Variants in ZNF48 observed in about 807,000 individuals in gnomAD.
ZNF48 encodes the protein zinc finger protein 553.
In ZNF48, 20 loss-of-function variants were observed where a neutral mutation model predicts 40.0. The ratio of observed to expected loss-of-function variants is 0.50; its 90% confidence interval spans 0.35 to 0.73. The LOEUF is 0.73. Among genes scored for constraint, ZNF48 ranks in the 30% least tolerant of loss-of-function variants. ZNF48 has a pLI of 0.01. For synonymous variants in ZNF48, 298 were observed against 329.7 expected (o/e 0.90, Z 1.04); for missense variants, 726 against 851.9 (o/e 0.85, Z 1.84).
intron 1 of ZNF48, among the ~76,000 whole-genome samples, chr16:30,388,616 C>T (rs2049918882): frequency 1.3e-5 from 2 of 152,134 alleles, no homozygotes; most frequent in African/African-American, 4.8e-5. Context: ...AGTCCAGGCG[C>T]GGTGGCTCAC....
Position 30,395,897 on chromosome 16 carries a change from C to A in ZNF48, c.79+24C>A, listed in dbSNP as rs929303490. On this transcript the variant is annotated intron_variant, in intron 2 of 2. Coordinates refer to ENST00000613509, the MANE Select transcript of ZNF48 (RefSeq NM_001214909.2). This position sits in a 1 kb window ranked among gnomAD's most constrained non-coding sequence, Gnocchi z 5.9. ...AGGTGAGGGCCTCGGCCGTGCGCCG[C>A]CACGGACAGGTAACGGCCGGTGGGG... is the stretch of plus-strand genomic sequence containing the variant. 6.6e-7 allele frequency: 1 copy of A among 1,508,848 alleles called. No homozygotes were observed. The highest frequency in any genetic ancestry group is 2.5e-5 in the East Asian group (1 of 39,630). 93.5% of individuals were successfully genotyped at this position (1,508,848 alleles called of 1,614,324 possible). A position where few individuals can be genotyped will look rare whatever the true frequency, so the allele number is the denominator to read the frequency against.
chr16:30,393,889 G>GT (rs922607939), upstream of ZNF48, among the ~76,000 whole-genome samples: 644 of 145,784 alleles, frequency 4.4e-3, 4 homozygotes, highest in South Asian at 8.5e-3. Flanking sequence ...CTAAATTTTT[G>GT]TTTTTTTTTT....
upstream of ZNF48, chr16:30,395,272 C>T (rs1037785977): frequency 2.2e-6 from 1 of 456,210 alleles, no homozygotes; most frequent in Non-Finnish European, 4.4e-6. This position sits in a 1 kb window ranked among gnomAD's most constrained non-coding sequence, Gnocchi z 5.9. Context: ...GAGTTCGGGC[C>T]GCCGGCCTCG....
Position 30,381,734 on chromosome 16 carries a change from C to CCT in ZNF48, c.-16+3327_-16+3328dup. 6.2e-7 allele frequency: 1 copy of CCT among 1,612,588 alleles called. No individual in the cohort carries two copies. Among genetic ancestry groups the CCT allele is most frequent in the Non-Finnish European group, 8.5e-7 (1 of 1,179,316 alleles). On this transcript the variant is annotated intron_variant, in intron 1 of 2. Transcript: ENST00000528032. This position sits in a 1 kb window ranked among gnomAD's most constrained non-coding sequence, Gnocchi z 4.3. ...GGAGTCGCCACTGTGAAAGGCTGAGCCTCTGTCCCCTTTCCTCTTCCTCAC... is the reference window on the plus strand; with the variant it reads ...GGAGTCGCCACTGTGAAAGGCTGAGCCTCTCTGTCCCCTTTCCTCTTCCTCAC...
In ZNF48 at chr16:30,382,846, C is replaced by T. The variant is rs2049869906; in HGVS notation, c.-16+4436C>T. On this transcript the variant is annotated intron_variant, in intron 1 of 2. Coordinates refer to the ZNF48 transcript ENST00000528032. This position sits in a 1 kb window ranked among gnomAD's most constrained non-coding sequence, Gnocchi z 4.8. ...GGAAGGAAGTGGCTCCCTTTGTTAG[C>T]AGGGGAGATGAAGGTTTTGATGAGC... The T allele has an allele frequency of 6.9e-7, 1 of 1,452,288 alleles. No individual in the cohort carries two copies. Among genetic ancestry groups the T allele is most frequent in the African/African-American group, 1.4e-5 (1 of 71,384 alleles). 90.0% of individuals were successfully genotyped at this position (1,452,288 alleles called of 1,614,324 possible).
chr16:30,381,276 CAG>C lies in ZNF48; in HGVS notation c.-16+2867_-16+2868del, dbSNP rs775547089. ...CCAGGGATTGGTCATTGCCCAGCCT[CAG>C]GGGGCAGAGACCCCCCAGCCCTCCC... On this transcript the variant is annotated intron_variant, in intron 1 of 2. Transcript: ENST00000528032. The surrounding 1 kb of genome is among the most constrained non-coding windows in gnomAD (Gnocchi z 4.3). 1.9e-6 allele frequency: 3 copies of C among 1,612,052 alleles called. No individual in the cohort carries two copies. In the African/African-American group the frequency reaches 4.0e-5, roughly 22 times the overall value.
chr16:30,379,027 G>C (rs749119511), intron 1 of ZNF48: 1 of 1,612,758 alleles, frequency 6.2e-7, no homozygotes, highest in African/African-American at 1.3e-5. Context: ...CCTGCGGCTG[G>C]CTCGATCGCG....
intron 1 of ZNF48, chr16:30,379,638 C>CTAT: frequency 7.8e-5 from 23 of 295,632 alleles, no homozygotes; most frequent in Admixed American, 1.6e-4. Context: ...CTGCCCCTTC[C>CTAT]TCTTTTTTTT....
chr16:30,395,121 C>T (rs1309218307), upstream of ZNF48: 2 of 436,336 alleles, frequency 4.6e-6, no homozygotes, highest in Admixed American at 2.4e-5. This position sits in a 1 kb window ranked among gnomAD's most constrained non-coding sequence, Gnocchi z 5.9. Flanking sequence ...CTTTCTTTGT[C>T]TCTCCCAGGT....
intron 1 of ZNF48, among the ~76,000 whole-genome samples, chr16:30,388,873 G>A (rs1354188110): frequency 2.0e-5 from 3 of 151,340 alleles, no homozygotes; most frequent in African/African-American, 7.3e-5. Flanking sequence ...CAGCCTGGGC[G>A]ACGGAGTAAG....
chr16:30,378,790 G>T (rs1015817631), intron 1 of ZNF48: 1 of 1,298,406 alleles, frequency 7.7e-7, no homozygotes, highest in Non-Finnish European at 1.1e-6. Flanking sequence ...GCGAGGTTGG[G>T]GTCTAGGAGG....
chr16:30,388,102 G>A (rs191959008), intron 1 of ZNF48, among the ~76,000 whole-genome samples: 454 of 151,940 alleles, frequency 3.0e-3, no homozygotes, highest in Admixed American at 6.7e-3. Context: ...AAGTAGCTGG[G>A]ATTGATTACA....
At chr16:30,378,660 T>C (rs1166126147) in intron 1 of ZNF48, 3 of 1,607,568 alleles carry the variant, frequency 1.9e-6, no homozygotes, top group African/African-American at 1.4e-5. Flanking sequence ...AGAGGCAGCA[T>C]GGGCAGCGGG....
In ZNF48 at chr16:30,399,038, G is replaced by A. The variant is rs1182160702; in HGVS notation, c.1788G>A (p.Leu596=). The A allele has an allele frequency of 6.2e-7, 1 of 1,613,098 alleles. No individual in the cohort carries two copies. Among genetic ancestry groups the A allele is most frequent in the Non-Finnish European group, 8.5e-7 (1 of 1,179,556 alleles). The change falls in exon 3 of 3, where the codon CTG becomes CTA. Residue 596 remains leucine, a synonymous_variant. Coordinates refer to ENST00000613509, the MANE Select transcript of ZNF48 (RefSeq NM_001214909.2). ...RIKHQRGHLV[L]TPFGIGDGRA... is the part of the protein sequence containing the mutation. ...AGCACCAGCGTGGGCACCTGGTCCT[G>A]ACGCCCTTTGGGATAGGGGATGGTA...
At chr16:30,379,827 G>C in intron 1 of ZNF48, 1 of 701,068 alleles carries the variant, frequency 1.4e-6, no homozygotes, top group Non-Finnish European at 2.5e-6. Context: ...GGCTGGTCTG[G>C]AACTCCTGAC....
In ZNF48 at chr16:30,381,163, A is replaced by G. The variant is rs749891885; in HGVS notation, c.-16+2753A>G. 6.2e-7 allele frequency: 1 copy of G among 1,613,938 alleles called. No homozygotes were observed. The highest frequency in any genetic ancestry group is 1.1e-5 in the South Asian group (1 of 91,078). On this transcript the variant is annotated intron_variant, in intron 1 of 2. Coordinates refer to the ZNF48 transcript ENST00000528032. This position sits in a 1 kb window ranked among gnomAD's most constrained non-coding sequence, Gnocchi z 4.3. ...GGGCCTGGGTTTCCTGGGGCATCAG[A>G]GCATCCGCTTTGCCAATGACTGGGA...
At position 30,398,239 on chromosome 16, in the gene ZNF48, C is replaced by T. The variant is rs1308234840; in HGVS notation, c.989C>T (p.Pro330Leu). ...KHLRVHTGEK[P>L]YLCPECGKGF... is the part of the protein sequence containing the mutation. ...CTGCGGGTGCACACGGGTGAGAAGCCCTACCTCTGCCCAGAGTGCGGCAAA... is the reference window on the plus strand; with the variant it reads ...CTGCGGGTGCACACGGGTGAGAAGCTCTACCTCTGCCCAGAGTGCGGCAAA... Residue 330 changes from proline to leucine, a missense_variant, in exon 3 of 3, where the codon CCC (proline) becomes CTC (leucine). Transcript: ENST00000613509. The surrounding 1 kb of genome is among the most constrained non-coding windows in gnomAD (Gnocchi z 6.6). The T allele has an allele frequency of 6.2e-7, 1 of 1,613,640 alleles. No homozygotes were observed. The highest frequency in any genetic ancestry group is 8.5e-7 in the Non-Finnish European group (1 of 1,180,022).
intron 1 of ZNF48, chr16:30,378,459 TG>T: frequency 6.4e-7 from 1 of 1,574,254 alleles, no homozygotes. Context: ...CTGCTCGCCC[TG>T]GGCCTGGCTC....
Position 30,381,418 on chromosome 16 carries a change from C to T in ZNF48, c.-16+3008C>T. ...ATGTTCTTCCGGTTCAGGCCACTCT[C>T]ATCCCTAAGGTACTGCTCAAATTGC... On this transcript the variant is annotated intron_variant, in intron 1 of 2. Transcript: ENST00000528032. This position sits in a 1 kb window ranked among gnomAD's most constrained non-coding sequence, Gnocchi z 4.3. The T allele has an allele frequency of 1.2e-6, 2 of 1,614,066 alleles. No individual in the cohort carries two copies. The highest frequency in any genetic ancestry group is 2.2e-5 in the South Asian group (2 of 91,078).
Sources: allele counts gnomAD v4.1 joint callset (sites outside exome capture counted in the v4.1 genomes callset), GRCh38; gene constraint gnomAD v4.1.1; non-coding constraint Gnocchi (gnomAD v3.1); transcripts MANE v1.5; gene names NCBI Gene and HGNC (gene_info 2026-07-23, HGNC 2026-07-21).